Variants in CASZ1 observed in about 807,000 individuals in gnomAD.
The protein encoded by CASZ1 is zinc finger protein castor homolog 1.
CASZ1 carries 28 observed loss-of-function variants against 135.2 expected under a neutral mutation model. The observed-to-expected ratio is 0.21, with a 90% confidence interval of 0.15 to 0.28. The LOEUF (loss-of-function observed/expected upper bound fraction) is 0.28, where lower values mean the gene tolerates loss of function less well. Among genes scored for constraint, CASZ1 ranks in the 10% least tolerant of loss-of-function variants. CASZ1 has a pLI of 1.00. For missense variants in CASZ1, 2,161 were observed against 2,453.3 expected, an observed-to-expected ratio of 0.88 and a Z score of 2.52; for synonymous variants, 1,068 against 1,073.4, an observed-to-expected ratio of 0.99 and a Z score of 0.10.
At chr1:10,685,220 G>A (rs1199603400) in intron 4 of CASZ1, among the ~76,000 whole-genome samples, 1 of 152,330 alleles carries the variant, frequency 6.6e-6, no homozygotes, top group Non-Finnish European at 1.5e-5. Context: ...GGAGAAGGGC[G>A]GCCCTGAAGC....
intron 1 of CASZ1, among the ~76,000 whole-genome samples, chr1:10,775,485 C>A (rs1199682599): frequency 6.6e-6 from 1 of 152,148 alleles, no homozygotes; most frequent in African/African-American, 2.4e-5. Flanking sequence ...GGCCAAGTTT[C>A]TCCAGGATGC....
In CASZ1 at chr1:10,774,219, G is replaced by A. The variant is rs17035702; in HGVS notation, c.-233-13362C>T. Among the ~76,000 whole-genome samples the A allele has an allele frequency of 2.0e-5, 3 of 152,038 alleles. No individual in the cohort carries two copies. The highest frequency in any genetic ancestry group is 1.9e-4 in the East Asian group (1 of 5,178). On this transcript the variant is annotated intron_variant, in intron 1 of 20. Coordinates refer to ENST00000377022, the MANE Select transcript of CASZ1 (RefSeq NM_001079843.3). This position sits in a 1 kb window ranked among gnomAD's most constrained non-coding sequence, Gnocchi z 4.4. ...GGAGTGCACCCTCCCACCTGACACCGTCGCTAAATCCTTGGATACACACGG... is the reference window on the plus strand; with the variant it reads ...GGAGTGCACCCTCCCACCTGACACCATCGCTAAATCCTTGGATACACACGG...
At chr1:10,785,773 A>G (rs1488720224) in intron 1 of CASZ1, among the ~76,000 whole-genome samples, 1 of 152,252 alleles carries the variant, frequency 6.6e-6, no homozygotes, top group East Asian at 1.9e-4. Flanking sequence ...AATGAGGCTC[A>G]GCCCACAACG....
At position 10,695,102 on chromosome 1, in the gene CASZ1, T is replaced by A. The variant is rs532893762; in HGVS notation, c.-23-1190A>T. On this transcript the variant is annotated intron_variant, in intron 3 of 20. Coordinates refer to ENST00000377022, the MANE Select transcript of CASZ1 (RefSeq NM_001079843.3). ...CCGCTGCCTGCGGGCTCGGGGCTCC[T>A]GGGGTAGCACAGGGATTTCGTGTTC... Among the ~76,000 whole-genome samples, 7 of 151,116 alleles carry A rather than the reference T, an allele frequency of 4.6e-5. No homozygotes were observed. The South Asian group carries it at 1.5e-3, about 31-fold the overall frequency.
At chr1:10,689,646 C>A (rs1013973886) in intron 4 of CASZ1, among the ~76,000 whole-genome samples, 3 of 152,200 alleles carry the variant, frequency 2.0e-5, no homozygotes, top group Non-Finnish European at 1.5e-5. Context: ...TTTCCTCTGA[C>A]GTCTTGCAAC....
intron 2 of CASZ1, among the ~76,000 whole-genome samples, chr1:10,734,672 GAGAA>G (rs1470441028): frequency 3.3e-5 from 5 of 152,178 alleles, no homozygotes; most frequent in Non-Finnish European, 7.3e-5. Flanking sequence ...AAAAGAGAGA[GAGAA>G]AGAGAGAGAG....
chr1:10,723,293 C>T (rs147318039), intron 2 of CASZ1, among the ~76,000 whole-genome samples: 1 of 152,204 alleles, frequency 6.6e-6, no homozygotes, highest in Non-Finnish European at 1.5e-5. Context: ...TGAGTGGGGG[C>T]AGGCCTTGCT....
In CASZ1 at chr1:10,660,248, A is replaced by T; in HGVS notation, c.794T>A (p.Val265Glu). Residue 265 changes from valine (V) to glutamate (E), a missense_variant, in exon 6 of 21, where the codon GTG becomes GAG. By Grantham distance (121) the Val-to-Glu change is moderately radical (BLOSUM62 -2). Transcript: ENST00000377022. ...PAPSTKTEER[V>E]GKEVVGTLPG... ...CAGGGTGCCCACCACCTCCTTGCCCACCCGCTCCTCGGTCTTGGTGCTGGG... is the reference window on the plus strand; with the variant it reads ...CAGGGTGCCCACCACCTCCTTGCCCTCCCGCTCCTCGGTCTTGGTGCTGGG... The T allele has an allele frequency of 6.2e-7, 1 of 1,613,404 alleles. No homozygotes were observed. Among genetic ancestry groups the T allele is most frequent in the South Asian group, 1.1e-5 (1 of 91,060 alleles).
At chr1:10,784,951 C>T (rs1640828700) in intron 1 of CASZ1, among the ~76,000 whole-genome samples, 1 of 151,888 alleles carries the variant, frequency 6.6e-6, no homozygotes, top group African/African-American at 2.4e-5. Flanking sequence ...GTCAGCAGGC[C>T]CTCTCCTCTG....
At chr1:10,698,782 C>T (rs1351821658) in intron 3 of CASZ1, among the ~76,000 whole-genome samples, 2 of 152,190 alleles carry the variant, frequency 1.3e-5, no homozygotes, top group Non-Finnish European at 2.9e-5. Flanking sequence ...GCCTTCCTCT[C>T]GTGGGCTCTC....
At chr1:10,751,876 C>T (rs754785405) in intron 2 of CASZ1, among the ~76,000 whole-genome samples, 13 of 152,290 alleles carry the variant, frequency 8.5e-5, no homozygotes, top group South Asian at 4.1e-4. Flanking sequence ...GGGCACTGCC[C>T]GCCTGGCATC....
chr1:10,672,223 C>G (rs1297849402), intron 4 of CASZ1, among the ~76,000 whole-genome samples: 1 of 147,464 alleles, frequency 6.8e-6, no homozygotes, highest in Non-Finnish European at 1.5e-5. Context: ...CCCCGCCACC[C>G]CCTCCCCTCC....
rs1639459635 is a variant in CASZ1, at chr1:10,719,628, G to A, written c.-76-14084C>T. On this transcript the variant is annotated intron_variant, in intron 2 of 20. Coordinates refer to ENST00000377022, the MANE Select transcript of CASZ1 (RefSeq NM_001079843.3). This position sits in a 1 kb window ranked among gnomAD's most constrained non-coding sequence, Gnocchi z 4.0. ...TGGGGAACGGGGGCTCAGGTGAGCA[G>A]ATGCATGACTCAATTCAACCAGGGA... Among the ~76,000 whole-genome samples the A allele has an allele frequency of 6.6e-6, 1 of 152,242 alleles. No homozygotes were observed. Among genetic ancestry groups the A allele is most frequent in the African/African-American group, 2.4e-5 (1 of 41,458 alleles).
intron 2 of CASZ1, among the ~76,000 whole-genome samples, chr1:10,723,582 T>C (rs1202402011): frequency 6.6e-6 from 1 of 152,304 alleles, no homozygotes; most frequent in East Asian, 1.9e-4. Context: ...TGGGTGGGGT[T>C]AGGCCAGCTT....
rs4845948 is a variant in CASZ1 at position 10,697,142 on chromosome 1, G to T, written c.-23-3230C>A. On this transcript the variant is annotated intron_variant, in intron 3 of 20. Coordinates refer to ENST00000377022, the MANE Select transcript of CASZ1 (RefSeq NM_001079843.3). The surrounding 1 kb of genome is among the most constrained non-coding windows in gnomAD (Gnocchi z 4.7). Reference sequence around the variant, plus strand: ...GAGAAGCAAGAAACAGGCCAACTCGGAGCGCAAGGATTTATGAAGGTCAGA... The same window carrying T: ...GAGAAGCAAGAAACAGGCCAACTCGTAGCGCAAGGATTTATGAAGGTCAGA... Among the ~76,000 whole-genome samples, 10,850 of 152,294 alleles carry T rather than the reference G, an allele frequency of 0.071. 548 individuals carry two copies. Among genetic ancestry groups the T allele is most frequent in the East Asian group, 0.092 (479 of 5,180 alleles).
rs409156 is a variant in CASZ1, at chr1:10,777,848, C to T, written c.-233-16991G>A. 6.6e-6 allele frequency among the ~76,000 whole-genome samples: 1 copy of T among 151,766 alleles called. No individual in the cohort carries two copies. Among genetic ancestry groups the T allele is most frequent in the Admixed American group, 6.6e-5 (1 of 15,254 alleles). On this transcript the variant is annotated intron_variant, in intron 1 of 20. Transcript: ENST00000377022. The surrounding 1 kb of genome is among the most constrained non-coding windows in gnomAD (Gnocchi z 4.4). ...CCACAACCACACACAATCTCACACACTCTCATATACAATGACTCACGATCT... is the reference window on the plus strand; with the variant it reads ...CCACAACCACACACAATCTCACACATTCTCATATACAATGACTCACGATCT...
intron 5 of CASZ1, among the ~76,000 whole-genome samples, chr1:10,662,544 A>G (rs1302757269): frequency 1.3e-5 from 2 of 151,862 alleles, no homozygotes; most frequent in Non-Finnish European, 2.9e-5. Context: ...CACACATGCA[A>G]TCACACACAC....
At chr1:10,789,517 C>A (rs11121622) in intron 1 of CASZ1, among the ~76,000 whole-genome samples, 1 of 151,910 alleles carries the variant, frequency 6.6e-6, no homozygotes, top group Non-Finnish European at 1.5e-5. Context: ...AGGAGCGACA[C>A]GTCCCTGTCT....
chr1:10,698,994 C>T (rs190153970), intron 3 of CASZ1, among the ~76,000 whole-genome samples: 156 of 152,310 alleles, frequency 1.0e-3, no homozygotes, highest in Non-Finnish European at 1.7e-3. Flanking sequence ...GCTCCCCCAC[C>T]GCTCCCCCAC....
Sources: gnomAD v4.1 joint callset for allele counts (sites outside exome capture counted in the v4.1 genomes callset) on GRCh38, gnomAD v4.1.1 for gene constraint, Gnocchi (gnomAD v3.1) non-coding constraint, MANE v1.5 for transcripts, NCBI Gene and HGNC (gene_info 2026-07-23, HGNC 2026-07-21) for gene names.